PCCA: variants seen among roughly 807,000 people sequenced by gnomAD.
The protein encoded by PCCA is propionyl-CoA carboxylase alpha chain, mitochondrial.
Under a neutral mutation model 101.3 loss-of-function variants are expected in PCCA, and 74 were observed. The ratio of observed to expected loss-of-function variants is 0.73; its 90% CI spans 0.61 to 0.89. PCCA has a LOEUF of 0.89. PCCA is among the 40% of genes least tolerant of loss of function. The pLI is 0.00. For synonymous variants in PCCA, 294 were observed against 313.6 expected, an observed-to-expected ratio of 0.94 and a Z score of 0.66; for missense variants, 891 against 907.0, an observed-to-expected ratio of 0.98 and a Z score of 0.23.
intron 16 of PCCA, among the ~76,000 whole-genome samples, chr13:100,321,409 A>G (rs1434634353): frequency 1.3e-5 from 2 of 152,058 alleles, no homozygotes; most frequent in African/African-American, 4.8e-5. Flanking sequence ...CATTTTTTCA[A>G]TGATTTCTTA....
chr13:100,223,424 A>T (rs148879916), intron 7 of PCCA, among the ~76,000 whole-genome samples: 26 of 151,868 alleles, frequency 1.7e-4, no homozygotes, highest in African/African-American at 6.3e-4. Flanking sequence ...CTTTGCAGTG[A>T]GCATTACAGC....
At chr13:100,243,885 T>A (rs1428511751) in intron 8 of PCCA, among the ~76,000 whole-genome samples, 6 of 152,328 alleles carry the variant, frequency 3.9e-5, no homozygotes, top group South Asian at 4.1e-4. Context: ...AACATTTTTT[T>A]AAAAAGTTAC....
intron 4 of PCCA, among the ~76,000 whole-genome samples, chr13:100,118,066 A>G (rs952657546): frequency 6.6e-6 from 1 of 150,494 alleles, no homozygotes; most frequent in African/African-American, 2.4e-5. Flanking sequence ...CAGTGAGCTG[A>G]GATCGTGCCA....
At chr13:100,248,913 A>ATT (rs11285694) in intron 8 of PCCA, among the ~76,000 whole-genome samples, 1 of 145,158 alleles carries the variant, frequency 6.9e-6, no homozygotes, top group Non-Finnish European at 1.5e-5. Context: ...CGCCTGGCTA[A>ATT]TTTTTTTTTT....
chr13:100,294,517 TA>T (rs1243559892), intron 12 of PCCA, among the ~76,000 whole-genome samples: 2 of 152,148 alleles, frequency 1.3e-5, no homozygotes, highest in East Asian at 1.9e-4. Context: ...TGACTGGTTC[TA>T]AAAATCCTAT....
intron 7 of PCCA, among the ~76,000 whole-genome samples, chr13:100,227,731 G>A (rs944782840): frequency 2.6e-5 from 4 of 152,156 alleles, no homozygotes. Flanking sequence ...TGGGATTACA[G>A]AAAGAATGGA....
At chr13:100,199,378 A>G (rs2058329884) in intron 6 of PCCA, among the ~76,000 whole-genome samples, 1 of 152,046 alleles carries the variant, frequency 6.6e-6, no homozygotes, top group South Asian at 2.1e-4. Context: ...TAAATTTGAT[A>G]AGTCTTTAAA....
chr13:100,197,564 C>A lies in PCCA; in HGVS notation c.469-11768C>A, dbSNP rs57089386. ...GGTTCAATAGATTCTCCTGCCTCAGCTCCTGAGTTGCTAGGATTACAGGAG... is the reference window on the plus strand; with the variant it reads ...GGTTCAATAGATTCTCCTGCCTCAGATCCTGAGTTGCTAGGATTACAGGAG... On this transcript the variant is annotated intron_variant, in intron 6 of 23. Coordinates refer to ENST00000376285, the MANE Select transcript of PCCA (RefSeq NM_000282.4). 7.4e-3 allele frequency among the ~76,000 whole-genome samples: 1,127 copies of A among 152,266 alleles called. 14 individuals are homozygous for A. Among genetic ancestry groups the A allele is most frequent in the African/African-American group, 0.026 (1,077 of 41,560 alleles).
At chr13:100,380,334 C>T (rs2076157302) in intron 19 of PCCA, among the ~76,000 whole-genome samples, 1 of 152,132 alleles carries the variant, frequency 6.6e-6, no homozygotes. Flanking sequence ...TGCACTCCAG[C>T]CTGGGATACA....
chr13:100,285,216 C>A (rs2152638493), intron 12 of PCCA, among the ~76,000 whole-genome samples: 1 of 152,288 alleles, frequency 6.6e-6, no homozygotes, highest in African/African-American at 2.4e-5. Context: ...GCGAGATAGC[C>A]AGGCCACTCT....
At chr13:100,307,158 GAATTA>G (rs2066514877) in intron 14 of PCCA, 29 bp from the exon 15 acceptor site, 1 of 1,487,098 alleles carries the variant, frequency 6.7e-7, no homozygotes, top group Admixed American at 1.7e-5. Context: ...TACACAATAT[GAATTA>G]CTTTTCTTTT....
At chr13:100,179,275 G>A (rs2056553868) in intron 6 of PCCA, among the ~76,000 whole-genome samples, 1 of 151,932 alleles carries the variant, frequency 6.6e-6, no homozygotes, top group Non-Finnish European at 1.5e-5. Flanking sequence ...TAACACAAAT[G>A]TATACTCCCT....
At chr13:100,195,116 T>C (rs965224376) in intron 6 of PCCA, among the ~76,000 whole-genome samples, 1 of 151,908 alleles carries the variant, frequency 6.6e-6, no homozygotes, top group Non-Finnish European at 1.5e-5. Context: ...TGATATAAAA[T>C]AGGGATATAA....
At chr13:100,454,448 G>T (rs1336926440) in intron 21 of PCCA, among the ~76,000 whole-genome samples, 1 of 152,228 alleles carries the variant, frequency 6.6e-6, no homozygotes, top group East Asian at 1.9e-4. Context: ...AAGGGGGAAA[G>T]AAATAGTTTG....
At chr13:100,171,190 A>G (rs1025459867) in intron 6 of PCCA, among the ~76,000 whole-genome samples, 1 of 152,254 alleles carries the variant, frequency 6.6e-6, no homozygotes, top group South Asian at 2.1e-4. Context: ...TGTCATAAAA[A>G]TGTTACTTCT....
intron 19 of PCCA, among the ~76,000 whole-genome samples, chr13:100,398,372 T>TCAG (rs2077155934): frequency 6.6e-6 from 1 of 152,224 alleles, no homozygotes; most frequent in East Asian, 1.9e-4. Context: ...TGTTTCATTC[T>TCAG]TGGTTGAGTA....
At chr13:100,484,978 A>C (rs1023469074) in intron 21 of PCCA, among the ~76,000 whole-genome samples, 5 of 152,066 alleles carry the variant, frequency 3.3e-5, no homozygotes, top group African/African-American at 4.8e-5. Flanking sequence ...AGACGACTTA[A>C]ATTTCACACT....
intron 21 of PCCA, among the ~76,000 whole-genome samples, chr13:100,460,401 T>C (rs181683784): frequency 3.0e-4 from 45 of 152,352 alleles, no homozygotes; most frequent in South Asian, 6.2e-4. Flanking sequence ...TTTTTTCCCT[T>C]ATAAAAACAA....
rs73560962 is a variant in PCCA at position 100,414,035 on chromosome 13, A to C, written c.1747-11598A>C. 3.0e-3 allele frequency among the ~76,000 whole-genome samples: 462 copies of C among 152,372 alleles called. 3 individuals are homozygous for C. Among genetic ancestry groups the C allele is most frequent in the African/African-American group, 0.011 (440 of 41,588 alleles). ...TTACTGATCAATTAATGAGGTGATA[A>C]TTAAACAGAAACTAGCCAACCTGAC... On this transcript the variant is annotated intron_variant, in intron 19 of 23. Transcript: ENST00000376285.
Sources: gnomAD v4.1 joint callset for allele counts (sites outside exome capture counted in the v4.1 genomes callset) on GRCh38, gnomAD v4.1.1 for gene constraint, MANE v1.5 for transcripts, NCBI Gene and HGNC (gene_info 2026-07-23, HGNC 2026-07-21) for gene names.